The following TRHDE variants were observed in gnomAD, a reference collection of about 807,000 sequenced individuals.
TRHDE encodes thyrotropin releasing hormone degrading enzyme.
TRHDE carries 72 observed loss-of-function variants against 125.7 expected under a neutral mutation model. The ratio of observed to expected loss-of-function variants is 0.57; its 90% CI spans 0.47 to 0.70. TRHDE has a LOEUF of 0.70. Among genes scored for constraint, TRHDE ranks in the 30% least tolerant of loss-of-function variants. The pLI, the probability that TRHDE is intolerant of heterozygous loss-of-function variation, is 0.00. For synonymous variants in TRHDE, 509 were observed against 509.1 expected (o/e 1.00, Z 0.00); for missense variants, 1,110 against 1,327.1 (o/e 0.84, Z 2.54).
chr12:72,196,594 C>CAG (rs1254476435), intron 2 of TRHDE, among the ~76,000 whole-genome samples: 1 of 152,066 alleles, frequency 6.6e-6, no homozygotes, highest in African/African-American at 2.4e-5. Context: ...TAAAACTTCA[C>CAG]TTTGATTATA....
rs779676779 is a variant in TRHDE at position 72,273,515 on chromosome 12, T to C, written c.872T>C (p.Leu291Pro). The C allele has an allele frequency of 6.2e-7, 1 of 1,607,886 alleles. No homozygotes were observed. Among genetic ancestry groups the C allele is most frequent in the South Asian group, 1.1e-5 (1 of 91,084 alleles). ...AACGCGCTCATCGAGAATGAGCTCC[T>C]GGGCTTCTTCCGCAGCTCCTATGTG... ...IYNALIENEL[L>P]GFFRSSYVLH... Residue 291 changes from leucine to proline, a missense_variant, in exon 1 of 19, where the codon CTG (leucine) becomes CCG (proline). Leu to Pro is a moderately conservative substitution (Grantham distance 98). Coordinates refer to ENST00000261180, the MANE Select transcript of TRHDE (RefSeq NM_013381.3). The surrounding 1 kb of genome is among the most constrained non-coding windows in gnomAD (Gnocchi z 5.3).
intron 17 of TRHDE, among the ~76,000 whole-genome samples, chr12:72,655,171 C>T (rs1359441643): frequency 6.6e-6 from 1 of 152,092 alleles, no homozygotes; most frequent in Non-Finnish European, 1.5e-5. Flanking sequence ...CTCCTGAGTT[C>T]AGGTGATCCT....
intron 12 of TRHDE, among the ~76,000 whole-genome samples, chr12:72,604,392 G>T (rs545451149): frequency 6.6e-6 from 1 of 152,024 alleles, no homozygotes; most frequent in African/African-American, 2.4e-5. Context: ...TTTTGAAGAA[G>T]ATTTTATCAC....
intron 2 of TRHDE, among the ~76,000 whole-genome samples, chr12:72,362,880 C>T (rs145401788): frequency 0.01 from 1,590 of 151,892 alleles, 33 homozygotes; most frequent in African/African-American, 0.035. Context: ...GTTGTAGATA[C>T]GCGACATTAT....
intron 2 of TRHDE, among the ~76,000 whole-genome samples, chr12:72,210,353 T>C (rs1310827844): frequency 1.3e-5 from 2 of 152,188 alleles, no homozygotes; most frequent in African/African-American, 2.4e-5. Flanking sequence ...GTTTCCCTTG[T>C]GCATCATCTA....
rs560579618 is a variant in TRHDE at position 72,593,072 on chromosome 12, A to G, written c.2321+17530A>G. Reference sequence around the variant, plus strand: ...GCTACAGTGATCAGCCAGAAAAGTGAGTAGAGTTGAGGAATATGCTTGCTG... The same window carrying G: ...GCTACAGTGATCAGCCAGAAAAGTGGGTAGAGTTGAGGAATATGCTTGCTG... On this transcript the variant is annotated intron_variant, in intron 12 of 18. Coordinates refer to ENST00000261180, the MANE Select transcript of TRHDE (RefSeq NM_013381.3). 2.0e-3 allele frequency among the ~76,000 whole-genome samples: 307 copies of G among 152,262 alleles called. 2 individuals are homozygous for G. The highest frequency in any genetic ancestry group is 6.9e-3 in the African/African-American group (286 of 41,550).
At chr12:72,355,106 C>A (rs1326852647) in intron 2 of TRHDE, among the ~76,000 whole-genome samples, 1 of 151,404 alleles carries the variant, frequency 6.6e-6, no homozygotes, top group Admixed American at 6.6e-5. Context: ...GGAGAATAAT[C>A]TTATTCAAAT....
At chr12:72,175,889 G>A (rs1391111247) in intron 2 of TRHDE, among the ~76,000 whole-genome samples, 2 of 152,200 alleles carry the variant, frequency 1.3e-5, no homozygotes, top group Non-Finnish European at 2.9e-5. Context: ...TATATTGCAG[G>A]CTGGGATCTC....
chr12:72,164,140 A>G (rs1409070559), intron 2 of TRHDE, among the ~76,000 whole-genome samples: 1 of 152,052 alleles, frequency 6.6e-6, no homozygotes, highest in Non-Finnish European at 1.5e-5. Flanking sequence ...AACAACAACA[A>G]CAAACAAAAT....
chr12:72,195,264 A>T (rs1478024649), intron 2 of TRHDE, among the ~76,000 whole-genome samples: 1 of 152,132 alleles, frequency 6.6e-6, no homozygotes, highest in Non-Finnish European at 1.5e-5. Context: ...GTGGGGACAC[A>T]ACCAAACCAC....
At chr12:72,161,806 G>A (rs1468393681) in intron 2 of TRHDE, among the ~76,000 whole-genome samples, 1 of 152,196 alleles carries the variant, frequency 6.6e-6, no homozygotes, top group East Asian at 1.9e-4. Context: ...AGATTACAAA[G>A]GAATCCAGGA....
chr12:72,090,010 G>A (rs1275368111), intron 1 of TRHDE, among the ~76,000 whole-genome samples: 1 of 152,176 alleles, frequency 6.6e-6, no homozygotes. Context: ...GCCATTATTG[G>A]TGTTGCTTTT....
intron 2 of TRHDE, among the ~76,000 whole-genome samples, chr12:72,179,151 A>G (rs550013592): frequency 7.2e-5 from 11 of 152,158 alleles, no homozygotes; most frequent in Non-Finnish European, 1.2e-4. Context: ...TGGTACAAGA[A>G]GTTCATGACA....
intron 2 of TRHDE, among the ~76,000 whole-genome samples, chr12:72,259,720 A>T (rs925791867): frequency 2.0e-5 from 3 of 152,168 alleles, no homozygotes; most frequent in African/African-American, 7.2e-5. Flanking sequence ...GGAGCCAAGC[A>T]TCTGATTCTA....
intron 3 of TRHDE, among the ~76,000 whole-genome samples, chr12:72,456,113 A>T (rs1875832168): frequency 7.0e-6 from 1 of 143,860 alleles, no homozygotes. Context: ...ATATTATATA[A>T]ATATAATATG....
chr12:72,244,449 C>T (rs572402349), intron 2 of TRHDE, among the ~76,000 whole-genome samples: 18 of 152,188 alleles, frequency 1.2e-4, no homozygotes, highest in African/African-American at 4.3e-4. Context: ...AAATAATCAT[C>T]ATCCATGGCT....
At chr12:72,639,947 T>C (rs1382227958) in intron 15 of TRHDE, among the ~76,000 whole-genome samples, 1 of 103,864 alleles carries the variant, frequency 9.6e-6, no homozygotes, top group East Asian at 3.2e-4. Context: ...AGGTTACTGC[T>C]GTCTTTTTGT....
rs531102071 is a variant in TRHDE, at chr12:72,483,897, C to A, written c.1584+10717C>A. On this transcript the variant is annotated intron_variant, in intron 5 of 18. Transcript: ENST00000261180. ...ACAAAAATGGTTTGTTTTATAAAAT[C>A]TATTGATCAATTAATAAAAATTAAT... Among the ~76,000 whole-genome samples, 30 of 151,984 alleles carry A rather than the reference C, an allele frequency of 2.0e-4. No individual in the cohort carries two copies. In the South Asian group the frequency reaches 5.6e-3, roughly 28 times the overall value.
In TRHDE at chr12:72,547,050, G is replaced by C. The variant is rs562887223; in HGVS notation, c.1788+4694G>C. 1.3e-4 allele frequency among the ~76,000 whole-genome samples: 20 copies of C among 151,786 alleles called. No individual in the cohort carries two copies. In the South Asian group the frequency reaches 1.7e-3, roughly 13 times the overall value. On this transcript the variant is annotated intron_variant, in intron 7 of 18. Coordinates refer to ENST00000261180, the MANE Select transcript of TRHDE (RefSeq NM_013381.3). Reference sequence around the variant, plus strand: ...AACCCATACAGTGCACAGGAGTGTAGATGGCAGGGGAAGTGGTGGTGAATG... The same window carrying C: ...AACCCATACAGTGCACAGGAGTGTACATGGCAGGGGAAGTGGTGGTGAATG...
Sources: allele counts gnomAD v4.1 joint callset (sites outside exome capture counted in the v4.1 genomes callset), GRCh38; gene constraint gnomAD v4.1.1; non-coding constraint Gnocchi (gnomAD v3.1); transcripts MANE v1.5; gene names NCBI Gene and HGNC (gene_info 2026-07-23, HGNC 2026-07-21).